The following ANKRD50 variants were observed in gnomAD, a reference collection of about 807,000 sequenced individuals.
ANKRD50 encodes the protein ankyrin repeat domain 50, also known as ankyrin repeat domain-containing protein 50.
A neutral mutation model predicts 112.0 loss-of-function variants in ANKRD50; 40 were observed. That is an observed-to-expected ratio of 0.36 (90% CI 0.28 to 0.46). ANKRD50 has a LOEUF of 0.46. Among genes scored for constraint, ANKRD50 ranks in the 20% least tolerant of loss-of-function variants. ANKRD50 has a pLI of 1.00. For synonymous variants in ANKRD50, 613 were observed against 619.1 expected (o/e 0.99, Z 0.15); for missense variants, 1,487 against 1,701.7 (o/e 0.87, Z 2.22).
At position 124,670,951 on chromosome 4, in the gene ANKRD50, G is replaced by C; in HGVS notation, c.2326C>G (p.His776Asp). The change falls in exon 4 of 5, where the codon CAC (histidine) becomes GAC (aspartate). Residue 776 changes from histidine (H) to aspartate (D), a missense_variant. His to Asp is a moderately conservative substitution (Grantham distance 81). This residue lies in a region of ANKRD50 where 1,046 missense variants were observed against 1,269.5 expected (regional missense o/e 0.82). Transcript: ENST00000504087. ...GGTGTACGGCCATTGTTATCTGTGT[G>C]ATCTACATCTGCTCCCCCTTCTAGA... The part of the protein sequence containing the change: ...LLLEGGADVD[H>D]TDNNGRTPLL... The C allele has an allele frequency of 6.2e-7, 1 of 1,613,822 alleles. No homozygotes were observed. Among genetic ancestry groups the C allele is most frequent in the Non-Finnish European group, 8.5e-7 (1 of 1,179,874 alleles).
In ANKRD50 at chr4:124,665,014, C is replaced by G. The variant is rs1290500752; in HGVS notation, c.*2504G>C. 1 of 151,846 alleles carries G rather than the reference C, an allele frequency of 6.6e-6. No homozygotes were observed. Among genetic ancestry groups the G allele is most frequent in the African/African-American group, 2.4e-5 (1 of 41,396 alleles). 9.4% of individuals were successfully genotyped at this position (151,846 alleles called of 1,614,324 possible). Reference sequence around the variant, plus strand: ...ACATGCCATCATAGTTGTGTAGTGGCAACAGCTGATTTATAAAATTTAAAG... The same window carrying G: ...ACATGCCATCATAGTTGTGTAGTGGGAACAGCTGATTTATAAAATTTAAAG... On this transcript the variant is annotated 3_prime_UTR_variant, in exon 5 of 5. Transcript: ENST00000504087.
intron 3 of ANKRD50, among the ~76,000 whole-genome samples, chr4:124,678,350 T>C (rs1185675522): frequency 6.6e-6 from 1 of 151,966 alleles, no homozygotes; most frequent in East Asian, 1.9e-4. Flanking sequence ...TTACATAGAC[T>C]GTAATCTCAA....
chr4:124,674,660 ACTC>A (rs992426492), intron 3 of ANKRD50, among the ~76,000 whole-genome samples: 3 of 151,850 alleles, frequency 2.0e-5, no homozygotes, highest in South Asian at 2.1e-4. Context: ...GTGAAAGAAA[ACTC>A]AAGTGTTTGA....
At chr4:124,686,526 C>T (rs1480560407) in intron 2 of ANKRD50, among the ~76,000 whole-genome samples, 1 of 152,112 alleles carries the variant, frequency 6.6e-6, no homozygotes, top group Non-Finnish European at 1.5e-5. Context: ...CCATATGACC[C>T]CTATGGAAAA....
intron 2 of ANKRD50, among the ~76,000 whole-genome samples, chr4:124,708,012 T>G (rs888110201): frequency 2.0e-5 from 3 of 152,082 alleles, no homozygotes; most frequent in Non-Finnish European, 4.4e-5. Flanking sequence ...AAATTATAAA[T>G]TACATACCTT....
At chr4:124,689,506 C>T (rs1725083113) in intron 2 of ANKRD50, among the ~76,000 whole-genome samples, 1 of 152,092 alleles carries the variant, frequency 6.6e-6, no homozygotes, top group Non-Finnish European at 1.5e-5. Context: ...GCAGATTGTC[C>T]TTCCTAATGT....
intron 3 of ANKRD50, among the ~76,000 whole-genome samples, chr4:124,676,844 C>T (rs1730784896): frequency 6.6e-6 from 1 of 151,168 alleles, no homozygotes; most frequent in South Asian, 2.1e-4. Context: ...CTTTGACTTC[C>T]CAATAAAAAC....
chr4:124,694,116 C>A (rs935905798), intron 2 of ANKRD50, among the ~76,000 whole-genome samples: 1 of 152,072 alleles, frequency 6.6e-6, no homozygotes, highest in Non-Finnish European at 1.5e-5. Flanking sequence ...CAGGAAAAAA[C>A]AACAACAACC....
intron 2 of ANKRD50, among the ~76,000 whole-genome samples, chr4:124,683,061 CAT>C (rs1335542986): frequency 2.6e-5 from 4 of 151,738 alleles, no homozygotes; most frequent in African/African-American, 7.2e-5. Flanking sequence ...TATACACACA[CAT>C]ACATACATAT....
intron 2 of ANKRD50, among the ~76,000 whole-genome samples, chr4:124,679,842 C>A (rs990510422): frequency 1.3e-4 from 20 of 152,162 alleles, no homozygotes; most frequent in African/African-American, 4.6e-4. Context: ...CTCAATTCTT[C>A]GTCTCTTTTA....
At chr4:124,675,377 T>C (rs1423420514) in intron 3 of ANKRD50, among the ~76,000 whole-genome samples, 1 of 151,666 alleles carries the variant, frequency 6.6e-6, no homozygotes, top group Non-Finnish European at 1.5e-5. Context: ...GGATAAGCAA[T>C]ACGAAAATAA....
chr4:124,705,044 A>G (rs1221597179), intron 2 of ANKRD50, among the ~76,000 whole-genome samples: 2 of 152,192 alleles, frequency 1.3e-5, no homozygotes, highest in African/African-American at 2.4e-5. Flanking sequence ...TAGTGAGCCA[A>G]GATCACGCCA....
chr4:124,691,830 C>T (rs1725145826), intron 2 of ANKRD50, among the ~76,000 whole-genome samples: 1 of 152,140 alleles, frequency 6.6e-6, no homozygotes, highest in Non-Finnish European at 1.5e-5. Flanking sequence ...CAACAGCAAT[C>T]CAAAATTACT....
chr4:124,681,989 A>C (rs1724899704), intron 2 of ANKRD50, among the ~76,000 whole-genome samples: 1 of 152,138 alleles, frequency 6.6e-6, no homozygotes. Flanking sequence ...TAACTTCCAT[A>C]GCTTCAAATT....
At chr4:124,667,761 T>G (rs1730531560) in intron 4 of ANKRD50, among the ~76,000 whole-genome samples, 1 of 151,972 alleles carries the variant, frequency 6.6e-6, no homozygotes, top group African/African-American at 2.4e-5. Flanking sequence ...ACAGATATCA[T>G]GAGAGTTGAA....
At chr4:124,679,496 T>TAC (rs1724823963) in intron 2 of ANKRD50, among the ~76,000 whole-genome samples, 1 of 152,194 alleles carries the variant, frequency 6.6e-6, no homozygotes, top group African/African-American at 2.4e-5. Flanking sequence ...TATTAGGCTT[T>TAC]ACTCCATTAA....
chr4:124,669,949 G>A lies in ANKRD50; in HGVS notation c.3328C>T (p.Pro1110Ser), dbSNP rs1201038472. ...YGASSLNGCS[P>S]SPVHTMEQKP... ...TGCTCCATTGTGTGAACAGGAGATG[G>A]GGAACAGCCATTCAAACTAGATGCA... is the stretch of plus-strand genomic sequence containing the variant. Residue 1110 changes from proline (P) to serine (S), a missense_variant, in exon 4 of 5, where the codon CCA becomes TCA. Pro to Ser is a moderately conservative substitution (Grantham distance 74). Around this residue, in one of 2 missense-constraint regions of ANKRD50, gnomAD observed 441 missense variants for 432.2 expected, o/e 1.02. Coordinates refer to ENST00000504087, the MANE Select transcript of ANKRD50 (RefSeq NM_020337.3). The A allele has an allele frequency of 1.2e-6, 2 of 1,612,380 alleles. No individual in the cohort carries two copies. The highest frequency in any genetic ancestry group is 3.3e-4 in the Middle Eastern group (2 of 6,050).
intron 3 of ANKRD50, among the ~76,000 whole-genome samples, chr4:124,673,764 A>G (rs2110510119): frequency 6.6e-6 from 1 of 152,270 alleles, no homozygotes; most frequent in East Asian, 1.9e-4. Flanking sequence ...GTATGTAGAC[A>G]AAATGGACAG....
rs554205807 is a variant in ANKRD50, at chr4:124,678,777, A to G, written c.641T>C (p.Val214Ala). Reference sequence around the variant, plus strand: ...ATGGTGACCAGCTAAAAGTGCTGCAACAGTCCCAGATAAGCTGGTAGACGT... The same window carrying G: ...ATGGTGACCAGCTAAAAGTGCTGCAGCAGTCCCAGATAAGCTGGTAGACGT... ...EQTSTSLSGT[V>A]AALLAGHHEF... Residue 214 changes from valine (V) to alanine (A), a missense_variant, in exon 3 of 5, where the codon GTT (valine) becomes GCT (alanine). Coordinates refer to ENST00000504087, the MANE Select transcript of ANKRD50 (RefSeq NM_020337.3). 1 of 1,613,922 alleles carries G rather than the reference A, an allele frequency of 6.2e-7. No individual in the cohort carries two copies. The highest frequency in any genetic ancestry group is 1.3e-5 in the African/African-American group (1 of 75,040).
Sources: allele counts gnomAD v4.1 joint callset (sites outside exome capture counted in the v4.1 genomes callset), GRCh38; gene constraint gnomAD v4.1.1; regional missense constraint gnomAD v4.1.1; transcripts MANE v1.5; gene names NCBI Gene and HGNC (gene_info 2026-07-23, HGNC 2026-07-21).